The following PCDH15 variants were observed in gnomAD, a reference collection of about 807,000 sequenced individuals.
PCDH15 encodes the protein protocadherin related 15.
In PCDH15, 129 loss-of-function variants were observed where a neutral mutation model predicts 178.5. The ratio of observed to expected loss-of-function variants is 0.72; its 90% CI spans 0.63 to 0.84. The LOEUF (loss-of-function observed/expected upper bound fraction) is 0.84. Ranked by LOEUF, PCDH15 falls within the 40% of genes least tolerant of loss-of-function variation. The probability of loss-of-function intolerance (pLI) is 0.00; values close to 1 mark genes in which losing one functional copy is unlikely to be tolerated. For synonymous variants in PCDH15, 800 were observed against 732.0 expected (o/e 1.09, Z -1.50); for missense variants, 2,230 against 2,099.9 (o/e 1.06, Z -1.21).
chr10:54,817,299 C>T (rs78410015), intron 3 of PCDH15, among the ~76,000 whole-genome samples: 5,353 of 151,836 alleles, frequency 0.035, 271 homozygotes, highest in African/African-American at 0.12. Flanking sequence ...GAAAACTTGC[C>T]ATGAATCCTT....
chr10:54,435,052 T>TGATC (rs1554969163), intron 3 of PCDH15, among the ~76,000 whole-genome samples: 1 of 110,602 alleles, frequency 9.0e-6, no homozygotes, highest in African/African-American at 3.5e-5. Context: ...GTTTTTAAAC[T>TGATC]TATCTTACTT....
chr10:53,890,960 C>A (rs1056507589), intron 26 of PCDH15, among the ~76,000 whole-genome samples: 1 of 152,044 alleles, frequency 6.6e-6, no homozygotes, highest in Admixed American at 6.5e-5. Context: ...TGGAACTAAA[C>A]TTTCTTCATA....
rs533047629 is a variant in PCDH15, at chr10:53,805,347, A to ACAT, written c.*1229_*1231dup. On this transcript the variant is annotated 3_prime_UTR_variant, in exon 38 of 38. Coordinates refer to ENST00000644397, the MANE Select transcript of PCDH15 (RefSeq NM_001384140.1). The stretch of plus-strand genomic sequence containing the variant: ...TAATCTATATTGTTTCATTCTTTTT[A>ACAT]CATCATCTGGAAAATAAGCAACACA... 29 of 152,136 alleles carry ACAT rather than the reference A, an allele frequency of 1.9e-4. No homozygotes were observed. In the South Asian group the frequency reaches 5.6e-3, roughly 29 times the overall value. The allele number at this position is 152,136 out of a possible 1,614,324, so 9.4% of individuals were successfully genotyped here. A position where few individuals can be genotyped will look rare whatever the true frequency, so the allele number is the denominator to read the frequency against.
At chr10:54,330,542 A>ATCAGTTCAT (rs1467805168) in intron 6 of PCDH15, among the ~76,000 whole-genome samples, 1 of 151,534 alleles carries the variant, frequency 6.6e-6, no homozygotes, top group East Asian at 1.9e-4. Flanking sequence ...GTGAACTTGA[A>ATCAGTTCAT]TCAGTTCATT....
chr10:55,466,469 C>T (rs978561799), intron 2 of PCDH15, among the ~76,000 whole-genome samples: 1 of 152,082 alleles, frequency 6.6e-6, no homozygotes, highest in Admixed American at 6.5e-5. Flanking sequence ...ACACTTTCAG[C>T]GCCTACATCC....
chr10:54,379,006 A>C, intron 3 of PCDH15, 64 bp from the exon 4 acceptor site: 1 of 1,584,548 alleles, frequency 6.3e-7, no homozygotes, highest in South Asian at 1.1e-5. Context: ...AGCAAAGATC[A>C]TGCTCTTAAA....
chr10:54,224,958 T>C (rs923819616), intron 9 of PCDH15, among the ~76,000 whole-genome samples: 1 of 152,128 alleles, frequency 6.6e-6, no homozygotes, highest in African/African-American at 2.4e-5. Context: ...ATCGAAAATG[T>C]TTTTAATAAC....
intron 5 of PCDH15, among the ~76,000 whole-genome samples, chr10:54,362,143 T>TG (rs1451394195): frequency 2.6e-5 from 4 of 152,066 alleles, no homozygotes; most frequent in Non-Finnish European, 5.9e-5. Flanking sequence ...GGTAACTCAA[T>TG]GGTAATTATT....
intron 2 of PCDH15, among the ~76,000 whole-genome samples, chr10:55,018,716 G>A (rs1265588236): frequency 2.0e-5 from 3 of 152,100 alleles, no homozygotes; most frequent in Non-Finnish European, 4.4e-5. Context: ...AGGTTTGGAA[G>A]TCAAGTGCTT....
intron 3 of PCDH15, among the ~76,000 whole-genome samples, chr10:54,426,500 T>G (rs1214074958): frequency 6.6e-6 from 1 of 152,154 alleles, no homozygotes; most frequent in East Asian, 1.9e-4. Flanking sequence ...TCTCCCATCC[T>G]GCTGTGTGGC....
Position 55,158,898 on chromosome 10 carries a change from GAA to G in PCDH15, c.-80+7676_-80+7677del, listed in dbSNP as rs937403434. Among the ~76,000 whole-genome samples, 12 of 129,958 alleles carry G rather than the reference GAA, an allele frequency of 9.2e-5. No individual in the cohort carries two copies. The South Asian group carries it at 1.0e-3, about 11-fold the overall frequency. The allele number at this position is 129,958 out of a possible 152,430, so 85.3% of individuals were successfully genotyped here. ...GAGGGAGGGAGAAGAGAGAGAGAGAGAAAAAACAAGAGCTCAAGATATAGACA... is the reference window on the plus strand; with the variant it reads ...GAGGGAGGGAGAAGAGAGAGAGAGAGAAAACAAGAGCTCAAGATATAGACA... On this transcript the variant is annotated intron_variant, in intron 2 of 5. Coordinates refer to the PCDH15 transcript ENST00000458638.
At chr10:55,305,879 T>G (rs1476186084) in intron 1 of PCDH15, among the ~76,000 whole-genome samples, 2 of 152,190 alleles carry the variant, frequency 1.3e-5, no homozygotes, top group African/African-American at 4.8e-5. Context: ...CCTTCCTCCT[T>G]GTAGACATGA....
chr10:55,237,307 T>G (rs756785201), intron 1 of PCDH15, among the ~76,000 whole-genome samples: 31 of 152,280 alleles, frequency 2.0e-4, no homozygotes, highest in Middle Eastern at 6.8e-3. Context: ...AAAGACAGGT[T>G]ATGAGCTAAT....
intron 2 of PCDH15, among the ~76,000 whole-genome samples, chr10:55,430,454 T>C (rs1565130931): frequency 6.6e-6 from 1 of 152,176 alleles, no homozygotes; most frequent in African/African-American, 2.4e-5. Flanking sequence ...TAATATTCAG[T>C]AGAATTTTGG....
chr10:54,395,909 A>G (rs1173610380), intron 3 of PCDH15, among the ~76,000 whole-genome samples: 3 of 152,156 alleles, frequency 2.0e-5, no homozygotes, highest in African/African-American at 7.2e-5. Flanking sequence ...GGAGTGAGGA[A>G]TAATTGAAGA....
intron 2 of PCDH15, among the ~76,000 whole-genome samples, chr10:55,071,046 G>A (rs1591877859): frequency 6.6e-6 from 1 of 152,060 alleles, no homozygotes; most frequent in South Asian, 2.1e-4. Flanking sequence ...ACAAGCAAAT[G>A]CTGAGAGATT....
At chr10:54,877,294 G>T (rs1268829607) in intron 3 of PCDH15, among the ~76,000 whole-genome samples, 1 of 151,940 alleles carries the variant, frequency 6.6e-6, no homozygotes, top group Non-Finnish European at 1.5e-5. Context: ...ACTTTATTTG[G>T]TCTGGAACCC....
chr10:54,994,020 T>C (rs1839575714), intron 2 of PCDH15, among the ~76,000 whole-genome samples: 1 of 152,160 alleles, frequency 6.6e-6, no homozygotes, highest in African/African-American at 2.4e-5. Context: ...TATTAAAATT[T>C]ACATTCACTT....
intron 3 of PCDH15, among the ~76,000 whole-genome samples, chr10:54,896,861 C>A (rs1591769369): frequency 6.6e-6 from 1 of 152,178 alleles, no homozygotes; most frequent in East Asian, 1.9e-4. Context: ...ATATTAAAAT[C>A]TCAGGTAATA....
Sources: gnomAD v4.1 joint callset for allele counts (sites outside exome capture counted in the v4.1 genomes callset) on GRCh38, gnomAD v4.1.1 for gene constraint, MANE v1.5 for transcripts, NCBI Gene and HGNC (gene_info 2026-07-23, HGNC 2026-07-21) for gene names.